PTPRG: variants seen among roughly 807,000 people sequenced by gnomAD.
PTPRG encodes receptor-type tyrosine-protein phosphatase gamma.
In PTPRG, 102 loss-of-function variants were observed where a neutral mutation model predicts 165.3. The observed-to-expected ratio is 0.62, with a 90% CI of 0.53 to 0.73. The LOEUF is 0.73. Among genes scored for constraint, PTPRG ranks in the 30% least tolerant of loss-of-function variants. The pLI is 0.00. For synonymous variants in PTPRG, 675 were observed against 669.5 expected (o/e 1.01, Z -0.13); for missense variants, 1,866 against 1,861.4 (o/e 1.00, Z -0.05).
intron 4 of PTPRG, among the ~76,000 whole-genome samples, chr3:62,034,895 C>T (rs1699893441): frequency 6.6e-6 from 1 of 152,184 alleles, no homozygotes; most frequent in Admixed American, 6.5e-5. Context: ...CACTCTATTA[C>T]TTTTAAATTA....
intron 2 of PTPRG, among the ~76,000 whole-genome samples, chr3:61,864,519 AG>A (rs2037354074): frequency 6.6e-6 from 1 of 152,180 alleles, no homozygotes; most frequent in Non-Finnish European, 1.5e-5. Flanking sequence ...GGCAAATCCC[AG>A]GGGGATTAGG....
intron 1 of PTPRG, among the ~76,000 whole-genome samples, chr3:61,654,742 C>G (rs944602753): frequency 6.7e-6 from 1 of 149,172 alleles, no homozygotes. Flanking sequence ...ATGGGTTGAC[C>G]TTCTATGCTG....
Position 61,828,708 on chromosome 3 carries a change from G to A in PTPRG, c.190+79726G>A, listed in dbSNP as rs1489283935. On this transcript the variant is annotated intron_variant, in intron 2 of 29. Coordinates refer to ENST00000474889, the MANE Select transcript of PTPRG (RefSeq NM_002841.4). The stretch of plus-strand genomic sequence containing the variant: ...TCAGATAGGATAGTATTGGACTTGA[G>A]CCAATGGGAATTGGCTTGGTGAAGA... Among the ~76,000 whole-genome samples the A allele has an allele frequency of 2.0e-5, 3 of 152,186 alleles. No homozygotes were observed. The East Asian group carries it at 5.8e-4, about 29-fold the overall frequency.
intron 2 of PTPRG, 198 bp downstream of exon 2, chr3:61,749,180 C>A: frequency 1.5e-6 from 1 of 680,190 alleles, no homozygotes; most frequent in South Asian, 1.5e-5. Context: ...CACCTGTTTC[C>A]TCAACCTGTT....
At chr3:62,012,147 T>C (rs938901650) in intron 4 of PTPRG, among the ~76,000 whole-genome samples, 1 of 152,198 alleles carries the variant, frequency 6.6e-6, no homozygotes, top group Admixed American at 6.5e-5. Flanking sequence ...AGGCACTTTC[T>C]AGATGTTTCT....
At chr3:61,574,258 G>T (rs181498876) in intron 1 of PTPRG, among the ~76,000 whole-genome samples, 2 of 152,290 alleles carry the variant, frequency 1.3e-5, no homozygotes, top group Admixed American at 1.3e-4. Context: ...GCTTTGTGCA[G>T]GTTGGACTAG....
At chr3:62,069,392 T>A (rs1195966260) in intron 4 of PTPRG, among the ~76,000 whole-genome samples, 5 of 152,168 alleles carry the variant, frequency 3.3e-5, no homozygotes, top group African/African-American at 1.2e-4. Flanking sequence ...TTCTGTAAGC[T>A]GTAAGAGTGT....
intron 2 of PTPRG, among the ~76,000 whole-genome samples, chr3:61,864,486 T>A (rs1286412864): frequency 6.6e-6 from 1 of 152,152 alleles, no homozygotes; most frequent in Non-Finnish European, 1.5e-5. Flanking sequence ...GAACTGAGCA[T>A]TCAAGGATTT....
chr3:61,881,726 A>G (rs2037894368), intron 2 of PTPRG, among the ~76,000 whole-genome samples: 1 of 152,198 alleles, frequency 6.6e-6, no homozygotes, highest in African/African-American at 2.4e-5. Flanking sequence ...AGAAATGAAG[A>G]GAGAACCTTA....
At chr3:62,265,847 TACACACACACACAC>T (rs3046596) in intron 17 of PTPRG, among the ~76,000 whole-genome samples, 24 of 126,952 alleles carry the variant, frequency 1.9e-4, no homozygotes, top group East Asian at 1.2e-3. Context: ...CATACATACA[TACACACACACACAC>T]ACACACACAC....
chr3:61,757,801 T>A (rs2033681796), intron 2 of PTPRG, among the ~76,000 whole-genome samples: 1 of 152,238 alleles, frequency 6.6e-6, no homozygotes, highest in East Asian at 1.9e-4. Context: ...TTCTTGGTTA[T>A]AAATTTAAAA....
At chr3:62,068,462 C>T (rs1035859742) in intron 4 of PTPRG, among the ~76,000 whole-genome samples, 4 of 152,014 alleles carry the variant, frequency 2.6e-5, no homozygotes, top group African/African-American at 9.7e-5. Flanking sequence ...CTCGGCCCTA[C>T]TCTGTTTTGG....
chr3:61,619,096 A>G (rs12488051), intron 1 of PTPRG, among the ~76,000 whole-genome samples: 88,158 of 151,690 alleles, frequency 0.58, 25,999 homozygotes, highest in Middle Eastern at 0.76. Flanking sequence ...GATCAAGGCT[A>G]CAGTGAACCG....
chr3:62,079,591 G>A (rs567457166), intron 5 of PTPRG, among the ~76,000 whole-genome samples: 13 of 152,306 alleles, frequency 8.5e-5, no homozygotes, highest in African/African-American at 1.4e-4. Flanking sequence ...ACTGTGGGTC[G>A]TGGTCAAGTA....
In PTPRG at chr3:62,231,280, T is replaced by C. The variant is rs1404961623; in HGVS notation, c.2344T>C (p.Ser782Pro). The change falls in exon 14 of 30, where the codon TCT (serine) becomes CCT (proline). Residue 782 changes from serine to proline, a missense_variant. This residue lies in a region of PTPRG where 1,452 missense variants were observed against 1,463.0 expected (regional missense o/e 0.99). Transcript: ENST00000474889. ...GFPRRFREVP[S>P]SGERGEKGSR... is the part of the protein sequence containing the mutation. ...TCCCAGACGTTTCCGTGAAGTGCCTTCTTCTGGGGAGAGAGGAGAGAAGGG... is the reference window on the plus strand; with the variant it reads ...TCCCAGACGTTTCCGTGAAGTGCCTCCTTCTGGGGAGAGAGGAGAGAAGGG... 1.9e-6 allele frequency: 3 copies of C among 1,597,460 alleles called. No homozygotes were observed. The highest frequency in any genetic ancestry group is 2.3e-5 in the East Asian group (1 of 43,710).
At chr3:62,060,357 C>T (rs998742227) in intron 4 of PTPRG, among the ~76,000 whole-genome samples, 1 of 152,118 alleles carries the variant, frequency 6.6e-6, no homozygotes, top group Non-Finnish European at 1.5e-5. Context: ...GCTACTGTTA[C>T]ACTTCCTGCA....
At chr3:62,146,416 G>C (rs371131394) in intron 6 of PTPRG, among the ~76,000 whole-genome samples, 4 of 152,018 alleles carry the variant, frequency 2.6e-5, no homozygotes, top group African/African-American at 7.3e-5. Flanking sequence ...CTCCCTCCCA[G>C]GCCACCTGCT....
intron 28 of PTPRG, among the ~76,000 whole-genome samples, chr3:62,287,864 A>T (rs1004599160): frequency 8.5e-5 from 13 of 152,286 alleles, no homozygotes; most frequent in African/African-American, 3.1e-4. Flanking sequence ...TACATAGGCC[A>T]TAAATGGAAT....
intron 2 of PTPRG, among the ~76,000 whole-genome samples, chr3:61,923,186 C>A (rs2039121553): frequency 6.6e-6 from 1 of 152,092 alleles, no homozygotes; most frequent in Admixed American, 6.5e-5. Flanking sequence ...ATAATTTGAG[C>A]CCATTAACTA....
Sources: allele counts gnomAD v4.1 joint callset (sites outside exome capture counted in the v4.1 genomes callset), GRCh38; gene constraint gnomAD v4.1.1; regional missense constraint gnomAD v4.1.1; transcripts MANE v1.5; gene names NCBI Gene and HGNC (gene_info 2026-07-23, HGNC 2026-07-21).